The following MTMR8 variants were observed in gnomAD, a reference collection of about 807,000 sequenced individuals.
MTMR8 encodes phosphatidylinositol-3,5-bisphosphate 3-phosphatase MTMR8.
Under a neutral mutation model 39.3 loss-of-function variants are expected in MTMR8, and 65 were observed. The observed-to-expected ratio is 1.65, with a 90% CI of 1.35 to 2.03. MTMR8 has a LOEUF of 2.03. Ranked by LOEUF, MTMR8 falls within the 30% of genes most tolerant of loss-of-function variation. The pLI, the probability that MTMR8 is intolerant of heterozygous loss-of-function variation, is 0.00. For missense variants in MTMR8, 777 were observed against 538.9 expected, an observed-to-expected ratio of 1.44 and a Z score of -4.37; for synonymous variants, 245 against 185.2, an observed-to-expected ratio of 1.32 and a Z score of -2.62.
At chrX:64,299,838 C>T (rs1326321732) in intron 12 of MTMR8, among the ~76,000 whole-genome samples, 1 of 94,355 alleles carries the variant, frequency 1.1e-5, no homozygotes, top group Non-Finnish European at 2.1e-5. Flanking sequence ...TCGTTATGTA[C>T]CCAGTAGTCA....
At chrX:64,313,814 G>T (rs1399507768) in intron 12 of MTMR8, among the ~76,000 whole-genome samples, 1 of 112,496 alleles carries the variant, frequency 8.9e-6, no homozygotes, top group Non-Finnish European at 1.9e-5. Flanking sequence ...GCCTGGTTAA[G>T]AACCCTTGTT....
intron 8 of MTMR8, among the ~76,000 whole-genome samples, chrX:64,342,365 A>C (rs112199256): frequency 0.084 from 9,455 of 111,907 alleles, 1,029 homozygotes; most frequent in African/African-American, 0.29. Flanking sequence ...AGGCTGACTG[A>C]AGTTCTCACG....
chrX:64,270,098 C>T (rs1003888786), intron 13 of MTMR8, among the ~76,000 whole-genome samples: 1 of 109,853 alleles, frequency 9.1e-6, no homozygotes, highest in Non-Finnish European at 1.9e-5. Flanking sequence ...TAGGACTGGG[C>T]CTTCTCGGGG....
At position 64,283,936 on chromosome X, in the gene MTMR8, C is replaced by T. The variant is rs779482720; in HGVS notation, c.1482-12863G>A. On this transcript the variant is annotated intron_variant, in intron 12 of 13. Transcript: ENST00000374852. Reference sequence around the variant, plus strand: ...GAGCGCCTCTCCTTCTCCAAAGGAACGCAGCTCCTCAACAGCAATGGAACA... The same window carrying T: ...GAGCGCCTCTCCTTCTCCAAAGGAATGCAGCTCCTCAACAGCAATGGAACA... Among the ~76,000 whole-genome samples the T allele has an allele frequency of 3.6e-4, 41 of 112,393 alleles. No individual in the cohort carries two copies. In the South Asian group the frequency reaches 3.7e-3, roughly 10 times the overall value.
At chrX:64,340,163 C>T (rs916412229) in intron 8 of MTMR8, among the ~76,000 whole-genome samples, 3 of 111,178 alleles carry the variant, frequency 2.7e-5, no homozygotes, top group African/African-American at 9.8e-5. Context: ...AGTGCTACAC[C>T]ACCCGGTCTT....
At chrX:64,285,040 G>C (rs1455383982) in intron 12 of MTMR8, among the ~76,000 whole-genome samples, 2 of 111,787 alleles carry the variant, frequency 1.8e-5, no homozygotes, top group Non-Finnish European at 3.8e-5. Context: ...ATTGGATAAA[G>C]AGTCAAGACC....
In MTMR8 at chrX:64,268,727, G is replaced by A; in HGVS notation, c.1925C>T (p.Thr642Ile). 6 of 1,211,518 alleles carry A rather than the reference G, an allele frequency of 5.0e-6. No homozygotes were observed. The highest frequency in any genetic ancestry group is 6.7e-6 in the Non-Finnish European group (6 of 895,451). The stretch of plus-strand genomic sequence containing the variant: ...TTTGGAGAAGCCCGTAGCCTCAAAG[G>A]TGCACATGTCTCCAGAGATGCCCAT... ...EAMGISGDMC[T>I]FEATGFSKDL... is the part of the protein sequence containing the mutation. The change falls in exon 14 of 14, where the codon ACC becomes ATC. Residue 642 changes from threonine (T) to isoleucine (I), a missense_variant. By Grantham distance (89) the Thr-to-Ile change is moderately conservative. Transcript: ENST00000374852.
chrX:64,338,846 G>A (rs1254823661), intron 8 of MTMR8, among the ~76,000 whole-genome samples: 1 of 111,997 alleles, frequency 8.9e-6, no homozygotes, highest in African/African-American at 3.2e-5. Context: ...GACAGAGTGA[G>A]AGACTAGTCA....
chrX:64,333,667 T>A lies in MTMR8; in HGVS notation c.1152-1910A>T, dbSNP rs749377629. 3.3e-3 allele frequency among the ~76,000 whole-genome samples: 374 copies of A among 111,723 alleles called. 3 individuals are homozygous for A. Among genetic ancestry groups the A allele is most frequent in the Non-Finnish European group, 4.5e-3 (239 of 53,080 alleles). ...ACCCGACCCCTTCTCTTCTACCCCC[T>A]TGAGAGCCAAGGTTCTTGGAAAGAG... is the stretch of plus-strand genomic sequence containing the variant. On this transcript the variant is annotated intron_variant, in intron 10 of 13. Coordinates refer to ENST00000374852, the MANE Select transcript of MTMR8 (RefSeq NM_017677.4).
At chrX:64,301,863 C>CCAGT (rs1312483130) in intron 12 of MTMR8, among the ~76,000 whole-genome samples, 1 of 111,772 alleles carries the variant, frequency 8.9e-6, no homozygotes. Flanking sequence ...GTGGTGCCTC[C>CCAGT]CAGTTAGGCT....
At chrX:64,364,588 C>T (rs767168745) in intron 1 of MTMR8, among the ~76,000 whole-genome samples, 1 of 111,633 alleles carries the variant, frequency 9.0e-6, no homozygotes, top group Non-Finnish European at 1.9e-5. Flanking sequence ...AGGACGTCCA[C>T]ACCAAAATCC....
chrX:64,395,377 G>T lies in MTMR8; in HGVS notation c.-14C>A, dbSNP rs1244547771. 2.5e-6 allele frequency: 3 copies of T among 1,207,827 alleles called. No individual in the cohort carries two copies. The highest frequency in any genetic ancestry group is 2.3e-4 in the Middle Eastern group (1 of 4,347). ...AATATGATCCATGACTGCAGTTCCCGCCACCGGAAGATCTCAGTGCTACTC... is the reference window on the plus strand; with the variant it reads ...AATATGATCCATGACTGCAGTTCCCTCCACCGGAAGATCTCAGTGCTACTC... On this transcript the variant is annotated 5_prime_UTR_variant, in exon 1 of 14. Coordinates refer to ENST00000374852, the MANE Select transcript of MTMR8 (RefSeq NM_017677.4).
At chrX:64,363,572 T>G (rs1022612255) in intron 1 of MTMR8, among the ~76,000 whole-genome samples, 3 of 112,437 alleles carry the variant, frequency 2.7e-5, no homozygotes, top group Non-Finnish European at 5.6e-5. Flanking sequence ...ACTGCAGAAC[T>G]GTGAGCCAAT....
intron 1 of MTMR8, among the ~76,000 whole-genome samples, chrX:64,363,127 G>A (rs1426655440): frequency 9.0e-6 from 1 of 111,673 alleles, no homozygotes; most frequent in Non-Finnish European, 1.9e-5. Context: ...CTACAACCAG[G>A]GGGTTACAGA....
chrX:64,384,811 G>T (rs1016734991), intron 1 of MTMR8, among the ~76,000 whole-genome samples: 9 of 112,489 alleles, frequency 8.0e-5, no homozygotes, highest in Admixed American at 6.6e-4. Context: ...TGCCATTAAG[G>T]TCTCTGAAAT....
chrX:64,295,037 T>A (rs1430189442), intron 12 of MTMR8, among the ~76,000 whole-genome samples: 2 of 110,755 alleles, frequency 1.8e-5, no homozygotes, highest in South Asian at 7.8e-4. Context: ...CCCACACTGG[T>A]AAAGAAGATC....
rs1221447992 is a variant in MTMR8 at position 64,336,103 on chromosome X, G to A, written c.1127C>T (p.Ser376Phe). The change falls in exon 10 of 14, where the codon TCC becomes TTC. Residue 376 changes from serine to phenylalanine, a missense_variant. By Grantham distance (155) the Ser-to-Phe change is radical (BLOSUM62 -2). Coordinates refer to ENST00000374852, the MANE Select transcript of MTMR8 (RefSeq NM_017677.4). ...CCTTTGGGAAAACTTGTGGCCCATGGATATCCATTCCTTCTCTATCAAGAT... is the reference window on the plus strand; with the variant it reads ...CCTTTGGGAAAACTTGTGGCCCATGAATATCCATTCCTTCTCTATCAAGAT... ...LMILIEKEWI[S>F]MGHKFSQRCG... 3 of 1,193,637 alleles carry A rather than the reference G, an allele frequency of 2.5e-6. No homozygotes were observed. Among genetic ancestry groups the A allele is most frequent in the Non-Finnish European group, 3.4e-6 (3 of 884,844 alleles).
chrX:64,280,839 C>A (rs537802961), intron 12 of MTMR8, among the ~76,000 whole-genome samples: 1 of 111,704 alleles, frequency 9.0e-6, no homozygotes. Flanking sequence ...TGATAAGCAA[C>A]TTCAGCAAAG....
chrX:64,363,590 C>G (rs750671967), intron 1 of MTMR8, among the ~76,000 whole-genome samples: 1 of 112,291 alleles, frequency 8.9e-6, no homozygotes, highest in African/African-American at 3.2e-5. Flanking sequence ...AATTAAACTT[C>G]TTTTCTTTAA....
Sources: gnomAD v4.1 joint callset for allele counts (sites outside exome capture counted in the v4.1 genomes callset) on GRCh38, gnomAD v4.1.1 for gene constraint, MANE v1.5 for transcripts, NCBI Gene and HGNC (gene_info 2026-07-23, HGNC 2026-07-21) for gene names.